Variants in DLGAP2 observed in about 807,000 individuals in gnomAD.
DLGAP2 encodes disks large-associated protein 2.
In DLGAP2, 26 loss-of-function variants were observed where a neutral mutation model predicts 100.3. The observed-to-expected ratio is 0.26, with a 90% CI of 0.19 to 0.36. The LOEUF (loss-of-function observed/expected upper bound fraction) is 0.36, where lower values mean the gene tolerates loss of function less well. Among genes scored for constraint, DLGAP2 ranks in the 10% least tolerant of loss-of-function variants. DLGAP2 has a pLI of 1.00. For synonymous variants in DLGAP2, 886 were observed against 630.1 expected, an observed-to-expected ratio of 1.41 and a Z score of -6.08; for missense variants, 1,858 against 1,453.2, an observed-to-expected ratio of 1.28 and a Z score of -4.53.
At chr8:1,246,584 G>A (rs369773901) in intron 2 of DLGAP2, among the ~76,000 whole-genome samples, 17 of 152,342 alleles carry the variant, frequency 1.1e-4, no homozygotes, top group Admixed American at 4.6e-4. Context: ...CAATGCTTAA[G>A]ATACTACTAG....
rs58857294 is a variant in DLGAP2, at chr8:745,734, T to C, written c.18+7909T>C. Among the ~76,000 whole-genome samples, 764 of 152,232 alleles carry C rather than the reference T, an allele frequency of 5.0e-3. 43 individuals carry two copies. The East Asian group carries it at 0.12, about 24-fold the overall frequency. On this transcript the variant is annotated intron_variant, in intron 1 of 14. Coordinates refer to ENST00000637795, the MANE Select transcript of DLGAP2 (RefSeq NM_001346810.2). ...ACAGCAATGTTATAAAAAATACACATCCACAAAAACATGAAAGTTAAGTAC... is the reference window on the plus strand; with the variant it reads ...ACAGCAATGTTATAAAAAATACACACCCACAAAAACATGAAAGTTAAGTAC...
chr8:1,581,922 C>G (rs56969934), intron 6 of DLGAP2, among the ~76,000 whole-genome samples: 7 of 145,832 alleles, frequency 4.8e-5, no homozygotes, highest in Non-Finnish European at 6.0e-5. Context: ...CACCACACAT[C>G]TACACACCAC....
At chr8:1,250,441 G>A (rs532330601) in intron 2 of DLGAP2, 2 of 152,172 alleles carry the variant, frequency 1.3e-5, no homozygotes, top group East Asian at 3.9e-4. Context: ...CACTAGGACC[G>A]TGGTAGATGT....
chr8:804,996 C>G (rs547869708), intron 1 of DLGAP2, among the ~76,000 whole-genome samples: 8 of 152,192 alleles, frequency 5.3e-5, no homozygotes, highest in South Asian at 2.1e-4. Flanking sequence ...GTCTTGGATT[C>G]CCAGGCTCAA....
chr8:778,131 A>G lies in DLGAP2; in HGVS notation c.18+40306A>G, dbSNP rs569834446. Among the ~76,000 whole-genome samples, 8 of 152,034 alleles carry G rather than the reference A, an allele frequency of 5.3e-5. No homozygotes were observed. In the South Asian group the frequency reaches 8.3e-4, roughly 16 times the overall value. ...CCGCTGATACCCTTTCTTCCAGTTG[A>G]TCGCATCGGCTCCTGAGGCTTCTGC... is the stretch of plus-strand genomic sequence containing the variant. On this transcript the variant is annotated intron_variant, in intron 1 of 14. Coordinates refer to ENST00000637795, the MANE Select transcript of DLGAP2 (RefSeq NM_001346810.2).
At chr8:1,662,595 G>A (rs1217916329) in intron 8 of DLGAP2, among the ~76,000 whole-genome samples, 1 of 152,248 alleles carries the variant, frequency 6.6e-6, no homozygotes, top group African/African-American at 2.4e-5. Context: ...CTGAATCTCA[G>A]TTCTACCATT....
intron 6 of DLGAP2, among the ~76,000 whole-genome samples, chr8:1,583,648 C>T (rs1330513459): frequency 6.6e-6 from 1 of 152,114 alleles, no homozygotes; most frequent in Non-Finnish European, 1.5e-5. Context: ...GACGTTTTTG[C>T]CTTTCCTGAT....
At chr8:1,629,855 G>A (rs948607891) in intron 7 of DLGAP2, among the ~76,000 whole-genome samples, 4 of 152,168 alleles carry the variant, frequency 2.6e-5, no homozygotes, top group Non-Finnish European at 5.9e-5. Flanking sequence ...GGCTCTTTGC[G>A]ACTCGTCGTC....
chr8:909,968 G>T (rs1435288975), intron 2 of DLGAP2, among the ~76,000 whole-genome samples: 1 of 152,220 alleles, frequency 6.6e-6, no homozygotes, highest in Non-Finnish European at 1.5e-5. Flanking sequence ...TTGTAAGGGC[G>T]ACTGTAATTT....
rs575549768 is a variant in DLGAP2, at chr8:822,408, C to T, written c.18+84583C>T. Reference sequence around the variant, plus strand: ...CCTGGGGCAGAAGCAGGAGAGGCTGCGGACACTGTCCACAGCTTCAGCTGG... The same window carrying T: ...CCTGGGGCAGAAGCAGGAGAGGCTGTGGACACTGTCCACAGCTTCAGCTGG... On this transcript the variant is annotated intron_variant, in intron 1 of 14. Coordinates refer to ENST00000637795, the MANE Select transcript of DLGAP2 (RefSeq NM_001346810.2). Among the ~76,000 whole-genome samples the T allele has an allele frequency of 7.9e-5, 12 of 152,296 alleles. No individual in the cohort carries two copies. In the South Asian group the frequency reaches 1.0e-3, roughly 13 times the overall value.
chr8:1,327,109 G>T (rs746480203), intron 3 of DLGAP2, among the ~76,000 whole-genome samples: 1 of 152,252 alleles, frequency 6.6e-6, no homozygotes, highest in Non-Finnish European at 1.5e-5. Flanking sequence ...CGTCTCCTGA[G>T]AGCGGAGCCT....
intron 2 of DLGAP2, among the ~76,000 whole-genome samples, chr8:1,007,888 A>C (rs1287382291): frequency 6.6e-6 from 1 of 152,142 alleles, no homozygotes; most frequent in Non-Finnish European, 1.5e-5. Flanking sequence ...TTTAAAAGGG[A>C]AAATGTCCCA....
At chr8:898,215 T>C (rs1465100059) in intron 1 of DLGAP2, among the ~76,000 whole-genome samples, 1 of 152,094 alleles carries the variant, frequency 6.6e-6, no homozygotes, top group Admixed American at 6.5e-5. Context: ...CTCCCCATGG[T>C]GTTTGCTTTG....
At chr8:1,007,945 G>T (rs74594190) in intron 2 of DLGAP2, among the ~76,000 whole-genome samples, 2 of 152,208 alleles carry the variant, frequency 1.3e-5, no homozygotes, top group Non-Finnish European at 2.9e-5. Context: ...GGTCCGTCTC[G>T]CTGGTGACAG....
At chr8:1,433,101 C>T (rs117276927) in intron 3 of DLGAP2, among the ~76,000 whole-genome samples, 7 of 152,288 alleles carry the variant, frequency 4.6e-5, no homozygotes, top group East Asian at 3.9e-4. Flanking sequence ...CCGAGCCACA[C>T]GTCCCCAGTG....
At chr8:857,293 A>G (rs1797296932) in intron 1 of DLGAP2, among the ~76,000 whole-genome samples, 1 of 152,234 alleles carries the variant, frequency 6.6e-6, no homozygotes, top group South Asian at 2.1e-4. Flanking sequence ...GTGACTTTTT[A>G]GATATAACAC....
At chr8:944,883 G>C (rs1050942537) in intron 2 of DLGAP2, among the ~76,000 whole-genome samples, 1 of 152,122 alleles carries the variant, frequency 6.6e-6, no homozygotes, top group Non-Finnish European at 1.5e-5. Context: ...GATCCAGTCA[G>C]TGGCAGCCAA....
intron 3 of DLGAP2, among the ~76,000 whole-genome samples, chr8:1,485,667 G>A (rs1021716185): frequency 3.9e-5 from 6 of 152,308 alleles, no homozygotes; most frequent in South Asian, 2.1e-4. Flanking sequence ...GGTCTGAAGC[G>A]CTGCCCCTAC....
chr8:746,746 C>G (rs1335626901), intron 1 of DLGAP2, among the ~76,000 whole-genome samples: 4 of 152,240 alleles, frequency 2.6e-5, no homozygotes, highest in Non-Finnish European at 4.4e-5. Flanking sequence ...AAAACAGAAA[C>G]TGAGGATTTG....
Sources: allele counts gnomAD v4.1 joint callset (sites outside exome capture counted in the v4.1 genomes callset), GRCh38; gene constraint gnomAD v4.1.1; transcripts MANE v1.5; gene names NCBI Gene and HGNC (gene_info 2026-07-23, HGNC 2026-07-21).